The following VPS13A variants were observed in gnomAD, a reference collection of about 807,000 sequenced individuals.
VPS13A encodes intermembrane lipid transfer protein VPS13A.
Under a neutral mutation model 390.9 loss-of-function variants are expected in VPS13A, and 264 were observed. That is an observed-to-expected ratio of 0.68 (90% CI 0.61 to 0.75). The LOEUF (loss-of-function observed/expected upper bound fraction) is 0.75, where lower values mean the gene tolerates loss of function less well. Among genes scored for constraint, VPS13A ranks in the 30% least tolerant of loss-of-function variants. The probability of loss-of-function intolerance (pLI) is 0.00; values close to 1 mark genes in which losing one functional copy is unlikely to be tolerated. For missense variants in VPS13A, 3,409 were observed against 3,733.9 expected, an observed-to-expected ratio of 0.91 and a Z score of 2.27; for synonymous variants, 1,231 against 1,227.1, an observed-to-expected ratio of 1.00 and a Z score of -0.07.
At chr9:77,394,380 T>A (rs1834038304) in intron 68 of VPS13A, among the ~76,000 whole-genome samples, 1 of 152,096 alleles carries the variant, frequency 6.6e-6, no homozygotes, top group Non-Finnish European at 1.5e-5. Context: ...GCTCTAGGAT[T>A]TTTGGAATGG....
chr9:77,220,107 A>G, intron 11 of VPS13A, 26 bp downstream of exon 11: 5 of 1,583,046 alleles, frequency 3.2e-6, no homozygotes, highest in East Asian at 2.3e-5. Context: ...ATAATTTTCA[A>G]TTGTGAATTA....
At chr9:77,339,383 A>G in intron 47 of VPS13A, 133 bp from the exon 48 acceptor site, 1 of 808,974 alleles carries the variant, frequency 1.2e-6, no homozygotes, top group Non-Finnish European at 1.9e-6. Context: ...ACTTGAATGT[A>G]AGTCTTCTGA....
rs781049810 is a variant in VPS13A at position 77,275,638 on chromosome 9, T to G, written c.2653T>G (p.Phe885Val). The change falls in exon 25 of 72, where the codon TTT becomes GTT. Residue 885 changes from phenylalanine to valine, a missense_variant. Phe to Val is a conservative substitution (Grantham distance 50). Transcript: ENST00000360280. ...AAATATGACTACATTTAAAATAAGATTTGAAGTACCAAAGGTAGGTACTAC... is the reference window on the plus strand; with the variant it reads ...AAATATGACTACATTTAAAATAAGAGTTGAAGTACCAAAGGTAGGTACTAC... Reference protein sequence around the residue: ...SVNMTTFKIRFEVPKVLIEFY... With the variant: ...SVNMTTFKIRVEVPKVLIEFY... 1 of 1,613,464 alleles carries G rather than the reference T, an allele frequency of 6.2e-7. No individual in the cohort carries two copies. The highest frequency in any genetic ancestry group is 1.7e-5 in the Admixed American group (1 of 60,012).
intron 24 of VPS13A, among the ~76,000 whole-genome samples, chr9:77,274,375 CAG>C (rs1350043099): frequency 7.2e-6 from 1 of 139,496 alleles, no homozygotes; most frequent in Non-Finnish European, 1.5e-5. Flanking sequence ...TTGCAGTGAG[CAG>C]AGATCGTGCC....
intron 10 of VPS13A, among the ~76,000 whole-genome samples, chr9:77,216,116 G>C (rs1372735417): frequency 6.6e-6 from 1 of 152,170 alleles, no homozygotes; most frequent in Non-Finnish European, 1.5e-5. Flanking sequence ...TCCTCCTGCA[G>C]TGTCTCTCCA....
At chr9:77,334,857 G>A (rs1830460930) in intron 46 of VPS13A, among the ~76,000 whole-genome samples, 1 of 152,172 alleles carries the variant, frequency 6.6e-6, no homozygotes, top group Admixed American at 6.5e-5. Flanking sequence ...GGCTATATCT[G>A]TTAACTGTTT....
chr9:77,294,702 C>A (rs1423000893), intron 32 of VPS13A, among the ~76,000 whole-genome samples: 6 of 152,006 alleles, frequency 3.9e-5, no homozygotes, highest in African/African-American at 1.4e-4. Flanking sequence ...TGTTGAATTT[C>A]TTCTCTTTTA....
intron 33 of VPS13A, among the ~76,000 whole-genome samples, chr9:77,297,304 A>G (rs1041495925): frequency 1.3e-5 from 2 of 151,958 alleles, no homozygotes; most frequent in African/African-American, 2.4e-5. Context: ...AAGTCTGTGT[A>G]GCTCTCTTCT....
Position 77,368,052 on chromosome 9 carries a change from C to T in VPS13A, c.8472-3C>T. 1 of 1,610,212 alleles carries T rather than the reference C, an allele frequency of 6.2e-7. No individual in the cohort carries two copies. The highest frequency in any genetic ancestry group is 8.5e-7 in the Non-Finnish European group (1 of 1,178,400). ...AGACAATATATTTTTACGCTTTTTT[C>T]AGGCTTGCATTTTTTGAACTCAACT... is the stretch of plus-strand genomic sequence containing the variant. On this transcript the variant is annotated splice_region_variant and splice_polypyrimidine_tract_variant and intron_variant, in intron 61 of 71. Transcript: ENST00000360280.
At chr9:77,409,781 A>G (rs1463246124) in intron 71 of VPS13A, among the ~76,000 whole-genome samples, 1 of 151,278 alleles carries the variant, frequency 6.6e-6, no homozygotes, top group Non-Finnish European at 1.5e-5. Flanking sequence ...GCCTCCAAGA[A>G]ATATGGGACT....
chr9:77,265,568 T>A (rs757744815), intron 23 of VPS13A, among the ~76,000 whole-genome samples: 4 of 152,236 alleles, frequency 2.6e-5, no homozygotes, highest in Non-Finnish European at 4.4e-5. Context: ...TTCTAGATTT[T>A]TGTAGTTTAT....
At chr9:77,257,811 C>G (rs1002604506) in intron 22 of VPS13A, among the ~76,000 whole-genome samples, 2 of 152,120 alleles carry the variant, frequency 1.3e-5, no homozygotes, top group African/African-American at 2.4e-5. Flanking sequence ...TGCAAAAACT[C>G]TACTTGTTTC....
intron 10 of VPS13A, 48 bp from the exon 11 acceptor site, chr9:77,219,906 A>G: frequency 6.3e-7 from 1 of 1,594,370 alleles, no homozygotes; most frequent in Non-Finnish European, 8.6e-7. Context: ...TTGCCTTGAG[A>G]CTTTGGAAAT....
intron 68 of VPS13A, among the ~76,000 whole-genome samples, chr9:77,394,704 T>C (rs1302292753): frequency 6.6e-6 from 1 of 152,256 alleles, no homozygotes; most frequent in Non-Finnish European, 1.5e-5. Flanking sequence ...TGTAGTTTAG[T>C]GTAGCCACTG....
chr9:77,223,416 C>G (rs1005868220), intron 13 of VPS13A, among the ~76,000 whole-genome samples: 1 of 152,012 alleles, frequency 6.6e-6, no homozygotes, highest in Non-Finnish European at 1.5e-5. Context: ...AGAGATAGGC[C>G]AAAAGCTAGG....
intron 41 of VPS13A, among the ~76,000 whole-genome samples, chr9:77,318,974 T>G (rs776743359): frequency 3.3e-5 from 5 of 152,016 alleles, no homozygotes; most frequent in Non-Finnish European, 7.4e-5. Flanking sequence ...GAAGGATCGC[T>G]TGAGCCCAGG....
intron 37 of VPS13A, 26 bp from the exon 38 acceptor site, chr9:77,315,226 AG>A: frequency 6.3e-7 from 1 of 1,593,472 alleles, no homozygotes; most frequent in Non-Finnish European, 8.6e-7. Context: ...ACTCATACAT[AG>A]GAATTGTTGT....
At position 77,207,231 on chromosome 9, in the gene VPS13A, A is replaced by ACG. The variant is rs1564630205; in HGVS notation, c.385+1152_385+1153insCG. ...TTAGATATTATATATATATATATAT[A>ACG]TATATATATATATATATATATAAAA... On this transcript the variant is annotated intron_variant, in intron 5 of 71. Transcript: ENST00000360280. Among the ~76,000 whole-genome samples the ACG allele has an allele frequency of 1.7e-3, 167 of 97,328 alleles. 7 individuals are homozygous for ACG. Among genetic ancestry groups the ACG allele is most frequent in the Non-Finnish European group, 2.8e-3 (129 of 46,318 alleles). The allele number at this position is 97,328 out of a possible 152,430, so 63.9% of individuals were successfully genotyped here.
rs1330268371 is a variant in VPS13A, at chr9:77,340,462, C to G, written c.6938C>G (p.Pro2313Arg). The change falls in exon 50 of 72, where the codon CCT (proline) becomes CGT (arginine). Residue 2313 changes from proline to arginine, a missense_variant. Physicochemically the swap from Pro to Arg is moderately radical, Grantham distance 103. Around this residue, in one of 5 missense-constraint regions of VPS13A, gnomAD observed 2,717 missense variants for 2,917.4 expected, o/e 0.93. Transcript: ENST00000360280. ...FNITRIVTFT[P>R]FYMIKNKSKY... ...ATTACTAGAATTGTGACATTTACCC[C>G]TTTTTATATGATTAAAAACAAAAGC... The G allele has an allele frequency of 6.2e-7, 1 of 1,613,330 alleles. No individual in the cohort carries two copies. Among genetic ancestry groups the G allele is most frequent in the Non-Finnish European group, 8.5e-7 (1 of 1,179,620 alleles).
Sources: gnomAD v4.1 joint callset for allele counts (sites outside exome capture counted in the v4.1 genomes callset) on GRCh38, gnomAD v4.1.1 for gene constraint, gnomAD v4.1.1 regional missense constraint, MANE v1.5 for transcripts, NCBI Gene and HGNC (gene_info 2026-07-23, HGNC 2026-07-21) for gene names.